Variants in RASD2 observed in about 807,000 individuals in gnomAD.
RASD2 encodes the protein GTP-binding protein Rhes.
Under a neutral mutation model 15.8 loss-of-function variants are expected in RASD2, and 7 were observed. The observed-to-expected ratio is 0.44, with a 90% CI of 0.25 to 0.83. RASD2 has a LOEUF of 0.83. Ranked by LOEUF, RASD2 falls within the 40% of genes least tolerant of loss-of-function variation. The pLI, the probability that RASD2 is intolerant of heterozygous loss-of-function variation, is 0.20. For missense variants in RASD2, 274 were observed against 382.8 expected, an observed-to-expected ratio of 0.72 and a Z score of 2.37; for synonymous variants, 155 against 153.6, an observed-to-expected ratio of 1.01 and a Z score of -0.07.
chr22:35,539,529 GTC>G (rs775203131), upstream of RASD2, among the ~76,000 whole-genome samples: 2 of 152,244 alleles, frequency 1.3e-5, no homozygotes, highest in African/African-American at 2.4e-5. Context: ...GAAGGAGAAA[GTC>G]TCTGTTAGGT....
chr22:35,548,177 T>A (rs1934565613), intron 2 of RASD2, among the ~76,000 whole-genome samples: 2 of 152,194 alleles, frequency 1.3e-5, no homozygotes, highest in Admixed American at 1.3e-4. Context: ...ATTAGCATGG[T>A]AGCTAAGAGG....
chr22:35,542,581 C>T (rs1028990521), intron 1 of RASD2, among the ~76,000 whole-genome samples: 10 of 152,172 alleles, frequency 6.6e-5, no homozygotes, highest in Admixed American at 2.0e-4. Context: ...GCCAAGCTCC[C>T]GGACTCTCAG....
At chr22:35,536,419 G>A (rs1259029657), upstream of RASD2, among the ~76,000 whole-genome samples, 1 of 151,812 alleles carries the variant, frequency 6.6e-6, no homozygotes, top group East Asian at 1.9e-4. Flanking sequence ...TCCGCCTCCA[G>A]GGTTCATGCC....
In RASD2 at chr22:35,551,651, C is replaced by T. The variant is rs761677480; in HGVS notation, c.420C>T (p.Asn140=). ...AAELPMVICG[N]KNDHGELCRQ... is the part of the protein sequence containing the mutation. ...AGCTGCCCATGGTCATCTGTGGCAA[C>T]AAGAACGACCACGGCGAGCTGTGCC... Residue 140 remains asparagine (N), a synonymous_variant, in exon 3 of 3, where the codon AAC becomes AAT. Transcript: ENST00000216127. The surrounding 1 kb of genome is among the most constrained non-coding windows in gnomAD (Gnocchi z 4.9). 2 of 1,614,192 alleles carry T rather than the reference C, an allele frequency of 1.2e-6. No homozygotes were observed. Among genetic ancestry groups the T allele is most frequent in the East Asian group, 2.2e-5 (1 of 44,880 alleles).
chr22:35,542,481 G>A (rs752354534), intron 1 of RASD2, among the ~76,000 whole-genome samples: 11 of 152,196 alleles, frequency 7.2e-5, no homozygotes, highest in Admixed American at 1.3e-4. Context: ...CAGGGCTGCC[G>A]GGCTGGTGAG....
intron 1 of RASD2, among the ~76,000 whole-genome samples, chr22:35,543,896 T>C (rs1934421708): frequency 6.7e-6 from 1 of 148,628 alleles, no homozygotes; most frequent in South Asian, 2.1e-4. Flanking sequence ...GCCTCCCCTC[T>C]CTGTCTCACT....
chr22:35,543,891 C>A (rs1274439234), intron 1 of RASD2, among the ~76,000 whole-genome samples: 1 of 149,042 alleles, frequency 6.7e-6, no homozygotes, highest in Middle Eastern at 3.5e-3. Flanking sequence ...TCCCTGCCTC[C>A]CCTCTCTGTC....
upstream of RASD2, among the ~76,000 whole-genome samples, chr22:35,536,980 G>T (rs1452765864): frequency 6.6e-6 from 1 of 152,216 alleles, no homozygotes; most frequent in Non-Finnish European, 1.5e-5. Context: ...GCATCTCTGA[G>T]TGGGGAGCCT....
chr22:35,537,034 C>T (rs1312529768), upstream of RASD2, among the ~76,000 whole-genome samples: 2 of 152,120 alleles, frequency 1.3e-5, no homozygotes, highest in Admixed American at 6.5e-5. Context: ...GATTCTAATG[C>T]GCCGCCAGCA....
At chr22:35,545,968 C>T (rs1334893626) in intron 1 of RASD2, among the ~76,000 whole-genome samples, 1 of 152,090 alleles carries the variant, frequency 6.6e-6, no homozygotes, top group Non-Finnish European at 1.5e-5. Flanking sequence ...CCATAGAAAG[C>T]TCTGGGTTTG....
intron 2 of RASD2, among the ~76,000 whole-genome samples, chr22:35,547,919 G>A (rs1038415729): frequency 6.6e-6 from 1 of 152,226 alleles, no homozygotes; most frequent in African/African-American, 2.4e-5. Flanking sequence ...CAGCCAGCAT[G>A]TAGTTATTTA....
In RASD2 at chr22:35,553,139, C is replaced by T. The variant is rs1434696109; in HGVS notation, c.*1107C>T. On this transcript the variant is annotated 3_prime_UTR_variant, in exon 3 of 3. Coordinates refer to ENST00000216127, the MANE Select transcript of RASD2 (RefSeq NM_014310.4). ...TCCTCAAGCATTTATTAAGCACCTA[C>T]TGGGTGCTGGGTTCACTGTGTCCTA... 1 of 152,158 alleles carries T rather than the reference C, an allele frequency of 6.6e-6. No homozygotes were observed. The highest frequency in any genetic ancestry group is 1.9e-4 in the East Asian group (1 of 5,162). 9.4% of individuals were successfully genotyped at this position (152,158 alleles called of 1,614,324 possible).
chr22:35,542,624 C>G (rs563862190), intron 1 of RASD2, among the ~76,000 whole-genome samples: 1 of 152,172 alleles, frequency 6.6e-6, no homozygotes, highest in Non-Finnish European at 1.5e-5. Context: ...TGGCAATGTG[C>G]GTGTCCAAAG....
chr22:35,535,751 G>C, the RASD2 span, among the ~76,000 whole-genome samples: 1 of 152,178 alleles, frequency 6.6e-6, no homozygotes, highest in East Asian at 1.9e-4. Context: ...CAGTGTCTTT[G>C]GCTGGAGCAT....
At chr22:35,549,937 A>G (rs1934614923) in intron 2 of RASD2, among the ~76,000 whole-genome samples, 1 of 152,098 alleles carries the variant, frequency 6.6e-6, no homozygotes. Context: ...TGAGACAGGG[A>G]TCTTGTCACA....
chr22:35,549,252 G>A (rs1657024879), intron 2 of RASD2, among the ~76,000 whole-genome samples: 1 of 152,226 alleles, frequency 6.6e-6, no homozygotes, highest in African/African-American at 2.4e-5. Context: ...CCCCACAATG[G>A]AGAGTATTTT....
intron 2 of RASD2, 119 bp downstream of exon 2, chr22:35,547,199 C>A (rs1934529605): frequency 2.4e-6 from 3 of 1,272,864 alleles, no homozygotes; most frequent in East Asian, 2.4e-5. Context: ...GGCGTCATCC[C>A]TGCACAATGA....
upstream of RASD2, among the ~76,000 whole-genome samples, chr22:35,539,172 A>C (rs1934287340): frequency 6.6e-6 from 1 of 152,252 alleles, no homozygotes; most frequent in African/African-American, 2.4e-5. Flanking sequence ...GTCCCAGGCC[A>C]TTTTAGTACT....
rs755062626 is a variant in RASD2, at chr22:35,551,720, C to T, written c.489C>T (p.Asp163=). 1.7e-5 allele frequency: 27 copies of T among 1,613,602 alleles called. No individual in the cohort carries two copies. Among genetic ancestry groups the T allele is most frequent in the East Asian group, 1.1e-4 (5 of 44,860 alleles). ...TTEAELLVSG[D]ENCAYFEVSA... is the part of the protein sequence containing the mutation. Reference sequence around the variant, plus strand: ...AGGCCGAGCTGCTGGTGTCGGGCGACGAGAACTGCGCCTACTTCGAGGTGT... The same window carrying T: ...AGGCCGAGCTGCTGGTGTCGGGCGATGAGAACTGCGCCTACTTCGAGGTGT... Residue 163 remains aspartate (D), a synonymous_variant, in exon 3 of 3, where the codon GAC becomes GAT. Coordinates refer to ENST00000216127, the MANE Select transcript of RASD2 (RefSeq NM_014310.4). This position sits in a 1 kb window ranked among gnomAD's most constrained non-coding sequence, Gnocchi z 4.9.
Sources: allele counts gnomAD v4.1 joint callset (sites outside exome capture counted in the v4.1 genomes callset), GRCh38; gene constraint gnomAD v4.1.1; non-coding constraint Gnocchi (gnomAD v3.1); transcripts MANE v1.5; gene names NCBI Gene and HGNC (gene_info 2026-07-23, HGNC 2026-07-21).